PTK2: variants seen among roughly 807,000 people sequenced by gnomAD.
The protein encoded by PTK2 is focal adhesion kinase 1.
A neutral mutation model predicts 150.1 loss-of-function variants in PTK2; 45 were observed. The ratio of observed to expected loss-of-function variants is 0.30; its 90% CI spans 0.24 to 0.38. The LOEUF (loss-of-function observed/expected upper bound fraction) is 0.38. Ranked by LOEUF, PTK2 falls within the 10% of genes least tolerant of loss-of-function variation. The pLI is 1.00. For missense variants in PTK2, 919 were observed against 1,307.3 expected (o/e 0.70, Z 4.58); for synonymous variants, 432 against 449.2 (o/e 0.96, Z 0.48).
At position 140,746,874 on chromosome 8, in the gene PTK2, T is replaced by TCTC. The variant is rs1178832921; in HGVS notation, c.1418-17_1418-15dup. On this transcript the variant is annotated splice_polypyrimidine_tract_variant and intron_variant, in intron 17 of 31. Coordinates refer to ENST00000522684, the Ensembl canonical transcript of PTK2. ...GACGCATTGTTACTAGGAAAAAAGT[T>TCTC]CTCCATAGTTATTCTTTCTTTTTTT... is the stretch of plus-strand genomic sequence containing the variant. 6.5e-7 allele frequency: 1 copy of TCTC among 1,532,222 alleles called. No homozygotes were observed. Among genetic ancestry groups the TCTC allele is most frequent in the Non-Finnish European group, 8.9e-7 (1 of 1,120,930 alleles). The allele number at this position is 1,532,222 out of a possible 1,614,324, so 94.9% of individuals were successfully genotyped here.
At chr8:140,899,044 A>G (rs1185327618) in intron 2 of PTK2, among the ~76,000 whole-genome samples, 10 of 152,234 alleles carry the variant, frequency 6.6e-5, no homozygotes. Flanking sequence ...GGTATTTTCT[A>G]TAACGCTTGA....
Position 140,906,743 on chromosome 8 carries a change from T to C in PTK2, c.-32-15974A>G, listed in dbSNP as rs77811081. 7.6e-3 allele frequency among the ~76,000 whole-genome samples: 1,155 copies of C among 152,302 alleles called. 58 individuals carry two copies. Among genetic ancestry groups the C allele is most frequent in the East Asian group, 0.052 (268 of 5,188 alleles). Reference sequence around the variant, plus strand: ...AGAAGGAATAAGTTCTAGTATTTGATAGTACAGCAAGAAAATCACAGTTAA... The same window carrying C: ...AGAAGGAATAAGTTCTAGTATTTGACAGTACAGCAAGAAAATCACAGTTAA... On this transcript the variant is annotated intron_variant, in intron 2 of 31. Coordinates refer to ENST00000522684, the Ensembl canonical transcript of PTK2.
intron 4 of PTK2, 51 bp downstream of exon 4, chr8:140,879,420 A>G: frequency 6.6e-7 from 1 of 1,506,158 alleles, no homozygotes; most frequent in East Asian, 2.4e-5. Flanking sequence ...ATGTTTTTAA[A>G]AAGCAAAAGA....
intron 26 of PTK2, among the ~76,000 whole-genome samples, chr8:140,693,387 C>A (rs2100024328): frequency 6.6e-6 from 1 of 151,456 alleles, no homozygotes; most frequent in Non-Finnish European, 1.5e-5. Flanking sequence ...GACCCTATCT[C>A]TATAAAAAAA....
chr8:140,944,397 C>T (rs1045049641), intron 1 of PTK2, among the ~76,000 whole-genome samples: 5 of 152,156 alleles, frequency 3.3e-5, no homozygotes, highest in South Asian at 2.1e-4. Context: ...GTATGACTCC[C>T]AATTGTGCAC....
intron 27 of PTK2, among the ~76,000 whole-genome samples, chr8:140,677,495 T>C (rs2100014598): frequency 6.6e-6 from 1 of 152,248 alleles, no homozygotes; most frequent in Non-Finnish European, 1.5e-5. Context: ...AAAATCTTTT[T>C]GGAACTATTT....
chr8:140,991,970 G>A (rs530638949), intron 1 of PTK2, among the ~76,000 whole-genome samples: 9 of 151,800 alleles, frequency 5.9e-5, no homozygotes, highest in Non-Finnish European at 8.8e-5. Context: ...AGCAAGACCC[G>A]GTCTCAAAGA....
At chr8:140,924,694 A>C (rs2100168809) in intron 2 of PTK2, among the ~76,000 whole-genome samples, 1 of 152,212 alleles carries the variant, frequency 6.6e-6, no homozygotes, top group Non-Finnish European at 1.5e-5. Flanking sequence ...AGTGAACTAA[A>C]CATTATGAAA....
chr8:140,825,284 G>A (rs2100111157), intron 8 of PTK2, among the ~76,000 whole-genome samples: 1 of 152,158 alleles, frequency 6.6e-6, no homozygotes, highest in Admixed American at 6.5e-5. Flanking sequence ...CTGGCATACA[G>A]CAGATAACAG....
intron 1 of PTK2, among the ~76,000 whole-genome samples, chr8:140,931,404 A>AT (rs1569124233): frequency 6.6e-6 from 1 of 152,044 alleles, no homozygotes. Context: ...TCTATAAAAA[A>AT]ATACCAAACA....
At chr8:140,739,172 C>A in intron 20 of PTK2, 65 bp from the exon 24 acceptor site, 1 of 1,076,700 alleles carries the variant, frequency 9.3e-7, no homozygotes. Context: ...ACAGAGCTAG[C>A]TGAGATTTTC....
intron 5 of PTK2, among the ~76,000 whole-genome samples, chr8:140,853,196 T>TC (rs57310088): frequency 0.42 from 63,930 of 151,460 alleles, 15,225 homozygotes; most frequent in Non-Finnish European, 0.55. Context: ...TCACACTCTT[T>TC]TTTTTTTTTA....
At chr8:140,946,992 C>G (rs1208728142) in intron 1 of PTK2, among the ~76,000 whole-genome samples, 2 of 152,186 alleles carry the variant, frequency 1.3e-5, no homozygotes, top group Non-Finnish European at 1.5e-5. Flanking sequence ...TTTCATGATT[C>G]AATACAAATA....
chr8:140,684,852 C>T (rs2100018948), intron 27 of PTK2, among the ~76,000 whole-genome samples: 2 of 152,166 alleles, frequency 1.3e-5, no homozygotes, highest in Admixed American at 1.3e-4. Context: ...TTGTACCTAT[C>T]AAACTACCAA....
chr8:140,826,785 G>A (rs1401942669), intron 8 of PTK2, among the ~76,000 whole-genome samples: 1 of 152,024 alleles, frequency 6.6e-6, no homozygotes, highest in Admixed American at 6.6e-5. Context: ...GGGCATGGTG[G>A]TCCATGCCTG....
chr8:140,811,421 C>G (rs1044763532), intron 10 of PTK2, among the ~76,000 whole-genome samples: 12 of 152,172 alleles, frequency 7.9e-5, no homozygotes, highest in African/African-American at 2.9e-4. Flanking sequence ...ATACAAAGGT[C>G]AGCAACTTCA....
chr8:140,806,477 G>A lies in PTK2; in HGVS notation c.868-2827C>T, dbSNP rs111882521. 4.6e-3 allele frequency among the ~76,000 whole-genome samples: 706 copies of A among 151,990 alleles called. 9 individuals are homozygous for A. The highest frequency in any genetic ancestry group is 0.015 in the African/African-American group (638 of 41,462). ...TGTTGGTGGTGACACATGAAATGAG[G>A]AATACTATCTCAATTAGTCCTTGTT... On this transcript the variant is annotated intron_variant, in intron 10 of 31. Coordinates refer to ENST00000522684, the Ensembl canonical transcript of PTK2.
chr8:140,920,207 A>G (rs1260484710), intron 2 of PTK2, among the ~76,000 whole-genome samples: 1 of 152,292 alleles, frequency 6.6e-6, no homozygotes, highest in African/African-American at 2.4e-5. Context: ...TCAAGCACCA[A>G]TTACATAGCA....
intron 1 of PTK2, among the ~76,000 whole-genome samples, chr8:140,959,334 T>C (rs527984442): frequency 6.7e-6 from 1 of 148,802 alleles, no homozygotes; most frequent in East Asian, 2.0e-4. Flanking sequence ...ATTGAGACCA[T>C]CCTGGCTAAC....
Sources: allele counts gnomAD v4.1 joint callset (sites outside exome capture counted in the v4.1 genomes callset), GRCh38; gene constraint gnomAD v4.1.1; transcripts MANE v1.5; gene names NCBI Gene and HGNC (gene_info 2026-07-23, HGNC 2026-07-21).